The following CLCN7 variants were observed in gnomAD, a reference collection of about 807,000 sequenced individuals.
CLCN7 encodes the protein Cl-/H+ antiporter 7, also known as H(+)/Cl(-) exchange transporter 7.
Under a neutral mutation model 102.1 loss-of-function variants are expected in CLCN7, and 60 were observed. The observed-to-expected ratio is 0.59, with a 90% CI of 0.48 to 0.73. CLCN7 has a LOEUF of 0.73. Among genes scored for constraint, CLCN7 ranks in the 30% least tolerant of loss-of-function variants. CLCN7 has a pLI of 0.00. For synonymous variants in CLCN7, 560 were observed against 490.5 expected (o/e 1.14, Z -1.87); for missense variants, 962 against 1,125.7 (o/e 0.85, Z 2.08).
intron 2 of CLCN7, among the ~76,000 whole-genome samples, chr16:1,462,912 G>C (rs1041638030): frequency 3.3e-5 from 5 of 152,236 alleles, no homozygotes; most frequent in African/African-American, 1.2e-4. Flanking sequence ...TATAATCCCA[G>C]CACTCTGGGA....
chr16:1,459,000 C>A (rs1025974827), intron 7 of CLCN7, 107 bp downstream of exon 7: 3 of 899,222 alleles, frequency 3.3e-6, no homozygotes, highest in African/African-American at 3.3e-5. Flanking sequence ...CACCAGTACA[C>A]AGGGTGGCTG....
At chr16:1,448,838 G>A in intron 19 of CLCN7, 72 bp from the exon 20 acceptor site, 2 of 1,597,834 alleles carry the variant, frequency 1.3e-6, no homozygotes, top group East Asian at 4.5e-5. Context: ...CTACCCCTGG[G>A]AGCCCAGAGG....
At position 1,459,483 on chromosome 16, in the gene CLCN7, G is replaced by A. The variant is rs567876743; in HGVS notation, c.595-296C>T. On this transcript the variant is annotated intron_variant, in intron 6 of 24. Transcript: ENST00000382745. ...GCACACGCGTCGGGGCCTCAGGGAAGGGGAGAGCAGCACACATGTCGGGGC... is the reference window on the plus strand; with the variant it reads ...GCACACGCGTCGGGGCCTCAGGGAAAGGGAGAGCAGCACACATGTCGGGGC... 21 of 369,804 alleles carry A rather than the reference G, an allele frequency of 5.7e-5. 2 individuals carry two copies. In the East Asian group the frequency reaches 1.1e-3, roughly 19 times the overall value. 22.9% of individuals were successfully genotyped at this position (369,804 alleles called of 1,614,324 possible).
At chr16:1,460,573 C>G (rs1298726574) in intron 5 of CLCN7, 46 bp from the exon 6 acceptor site, 2 of 1,461,228 alleles carry the variant, frequency 1.4e-6, no homozygotes, top group Non-Finnish European at 1.9e-6. Flanking sequence ...TCATGACCAC[C>G]CAGCCCAGAC....
intron 10 of CLCN7, 37 bp downstream of exon 10, chr16:1,456,076 G>A (rs1026264402): frequency 5.4e-6 from 8 of 1,478,852 alleles, no homozygotes; most frequent in Admixed American, 3.9e-5. Flanking sequence ...CACACAGGGC[G>A]AGGGCAAAGC....
At chr16:1,451,090 A>T (rs2038740969) in intron 16 of CLCN7, among the ~76,000 whole-genome samples, 1 of 152,220 alleles carries the variant, frequency 6.6e-6, no homozygotes, top group African/African-American at 2.4e-5. Flanking sequence ...TGAGACCGCC[A>T]GGGACACAAC....
At chr16:1,463,632 C>T (rs1021774060) in intron 2 of CLCN7, among the ~76,000 whole-genome samples, 1 of 152,156 alleles carries the variant, frequency 6.6e-6, no homozygotes, top group Non-Finnish European at 1.5e-5. Context: ...CACCACCACA[C>T]CTGGCTAATT....
At chr16:1,452,013 C>A (rs2038759605) in intron 15 of CLCN7, 1 of 405,966 alleles carries the variant, frequency 2.5e-6, no homozygotes, top group Non-Finnish European at 4.7e-6. Context: ...GCTGTCCATC[C>A]CTGGTGCCGG....
At chr16:1,449,415 C>G in intron 17 of CLCN7, 88 bp from the exon 18 acceptor site, 1 of 1,270,608 alleles carries the variant, frequency 7.9e-7, no homozygotes, top group South Asian at 1.3e-5. Flanking sequence ...CTGCCCAGGC[C>G]CAGCAGCCCC....
intron 13 of CLCN7, among the ~76,000 whole-genome samples, chr16:1,454,182 C>G (rs1369195797): frequency 6.6e-6 from 1 of 152,264 alleles, no homozygotes. Flanking sequence ...ATCCCTGCAG[C>G]CCTGTGGTTT....
intron 6 of CLCN7, 34 bp from the exon 7 acceptor site, chr16:1,459,221 G>A (rs764044284): frequency 4.6e-5 from 74 of 1,592,678 alleles, no homozygotes; most frequent in East Asian, 6.7e-5. Context: ...AGTGGGTCAC[G>A]GCCAGGCTGA....
rs561369777 is a variant in CLCN7 at position 1,448,591 on chromosome 16, G to A, written c.1883+90C>T. On this transcript the variant is annotated intron_variant, in intron 20 of 24. Coordinates refer to ENST00000382745, the MANE Select transcript of CLCN7 (RefSeq NM_001287.6). ...GCCGCTGGACAGGAAACGCGGGGCTGCCTGGAGCCCGCAAGCCGTGCACCC... is the reference window on the plus strand; with the variant it reads ...GCCGCTGGACAGGAAACGCGGGGCTACCTGGAGCCCGCAAGCCGTGCACCC... 7.6e-4 allele frequency: 1,214 copies of A among 1,598,876 alleles called. 1 individual carries two copies. The highest frequency in any genetic ancestry group is 9.7e-4 in the Non-Finnish European group (1,136 of 1,174,128).
At chr16:1,468,764 C>T (rs2039038909) in intron 1 of CLCN7, among the ~76,000 whole-genome samples, 2 of 152,138 alleles carry the variant, frequency 1.3e-5, no homozygotes, top group South Asian at 4.1e-4. Flanking sequence ...GATCTACACG[C>T]ATTGCACCGA....
At position 1,465,314 on chromosome 16, in the gene CLCN7, C is replaced by A; in HGVS notation, c.166G>T (p.Val56Phe). Residue 56 changes from valine (V) to phenylalanine (F), a missense_variant, in exon 2 of 25, where the codon GTC (valine) becomes TTC (phenylalanine). This residue lies in a region of CLCN7 where 163 missense variants were observed against 137.7 expected (regional missense o/e 1.18). Coordinates refer to ENST00000382745, the MANE Select transcript of CLCN7 (RefSeq NM_001287.6). ...AGCTCCACGCTGCTCATATGTCCGA[C>A]TCGGAAAAGCGCAGAACGTGGTGAC... ...RQSPRSALFRVGHMSSVELDD... is the reference protein window; with the variant it reads ...RQSPRSALFRFGHMSSVELDD... 1 of 1,613,872 alleles carries A rather than the reference C, an allele frequency of 6.2e-7. No individual in the cohort carries two copies.
rs572003962 is a variant in CLCN7 at position 1,466,392 on chromosome 16, G to C, written c.142-1054C>G. Among the ~76,000 whole-genome samples, 8 of 152,348 alleles carry C rather than the reference G, an allele frequency of 5.3e-5. No individual in the cohort carries two copies. In the South Asian group the frequency reaches 1.7e-3, roughly 32 times the overall value. On this transcript the variant is annotated intron_variant, in intron 1 of 24. Transcript: ENST00000382745. ...AGTGCTTCTTGGTGATAGAACGGCA[G>C]GTGATGGCGCCAGGAGCCCACAGGG...
chr16:1,460,955 G>A lies in CLCN7; in HGVS notation c.352-7C>T, dbSNP rs374091790. ...TCTCCACCGTCCGGAAGGCCTGCAG[G>A]GCGCGGTCAGGGCGAGGGTCAGGCA... On this transcript the variant is annotated splice_region_variant and splice_polypyrimidine_tract_variant and intron_variant, in intron 4 of 24. Coordinates refer to ENST00000382745, the MANE Select transcript of CLCN7 (RefSeq NM_001287.6). 17 of 1,612,464 alleles carry A rather than the reference G, an allele frequency of 1.1e-5. No homozygotes were observed. Among genetic ancestry groups the A allele is most frequent in the Admixed American group, 5.0e-5 (3 of 60,004 alleles).
intron 23 of CLCN7, 72 bp downstream of exon 23, chr16:1,447,320 C>T (rs2038664670): frequency 6.8e-7 from 1 of 1,465,390 alleles, no homozygotes; most frequent in Non-Finnish European, 9.2e-7. Flanking sequence ...GCTGCCCCTC[C>T]CCGAGGCTCT....
intron 9 of CLCN7, 30 bp from the exon 10 acceptor site, chr16:1,456,236 AG>A: frequency 6.7e-7 from 1 of 1,503,678 alleles, no homozygotes; most frequent in Non-Finnish European, 9.1e-7. Context: ...GGGTCGGGGC[AG>A]GTTCCTTGAG....
Position 1,452,946 on chromosome 16 carries a change from C to T in CLCN7, c.1215-53G>A, listed in dbSNP as rs114566356. The T allele has an allele frequency of 9.7e-4, 1,504 of 1,550,604 alleles. 8 individuals carry two copies. In the African/African-American group the frequency reaches 0.015, roughly 16 times the overall value. On this transcript the variant is annotated intron_variant, in intron 14 of 24. Coordinates refer to ENST00000382745, the MANE Select transcript of CLCN7 (RefSeq NM_001287.6). ...AGGCAGGACGGCAGCGCGGCCCCTC[C>T]GCAGGCCCCATGGCAACTCGAGTCC...
Sources: gnomAD v4.1 joint callset for allele counts (sites outside exome capture counted in the v4.1 genomes callset) on GRCh38, gnomAD v4.1.1 for gene constraint, gnomAD v4.1.1 regional missense constraint, MANE v1.5 for transcripts, NCBI Gene and HGNC (gene_info 2026-07-23, HGNC 2026-07-21) for gene names.